CTIF: variants seen among roughly 807,000 people sequenced by gnomAD.
CTIF encodes cap binding complex dependent translation initiation factor, also known as CBP80/20-dependent translation initiation factor.
Under a neutral mutation model 66.0 loss-of-function variants are expected in CTIF, and 21 were observed. That is an observed-to-expected ratio of 0.32 (90% confidence interval 0.23 to 0.46). CTIF has a LOEUF of 0.46. Ranked by LOEUF, CTIF falls within the 20% of genes least tolerant of loss-of-function variation. The pLI, the probability that CTIF is intolerant of heterozygous loss-of-function variation, is 1.00. For missense variants in CTIF, 739 were observed against 812.7 expected (o/e 0.91, Z 1.10); for synonymous variants, 345 against 326.4 (o/e 1.06, Z -0.62).
chr18:48,727,985 GTCTC>G (rs1223259079), intron 7 of CTIF, among the ~76,000 whole-genome samples: 2 of 151,988 alleles, frequency 1.3e-5, no homozygotes, highest in Admixed American at 1.3e-4. Context: ...CTTTTAACTT[GTCTC>G]TCTCTTCTCA....
intron 11 of CTIF, 61 bp from the exon 12 acceptor site, chr18:48,859,282 AG>A: frequency 7.2e-7 from 1 of 1,398,298 alleles, no homozygotes. Flanking sequence ...CCACCTAATC[AG>A]GGTGGCCAGT....
At chr18:48,780,178 GA>G (rs896185970) in intron 9 of CTIF, among the ~76,000 whole-genome samples, 6 of 151,832 alleles carry the variant, frequency 4.0e-5, no homozygotes, top group East Asian at 3.9e-4. Flanking sequence ...AGGGAGAGAG[GA>G]AAAAAAACTA....
intron 1 of CTIF, among the ~76,000 whole-genome samples, chr18:48,585,767 A>G (rs2143878495): frequency 6.6e-6 from 1 of 152,264 alleles, no homozygotes. Context: ...AGGGGCATTG[A>G]CCACTGTTCC....
At chr18:48,842,938 G>A (rs1369939277) in intron 10 of CTIF, among the ~76,000 whole-genome samples, 3 of 152,164 alleles carry the variant, frequency 2.0e-5, no homozygotes, top group Non-Finnish European at 4.4e-5. Flanking sequence ...GCTGGAGCTG[G>A]GGGCAGGGAG....
intron 10 of CTIF, among the ~76,000 whole-genome samples, chr18:48,854,814 G>A (rs75004120): frequency 0.047 from 7,168 of 152,174 alleles, 547 homozygotes; most frequent in African/African-American, 0.16. Context: ...TCCCATCTAC[G>A]CAGGAGGCTG....
At chr18:48,539,918 C>A (rs1228331292) in intron 1 of CTIF, 1 of 152,144 alleles carries the variant, frequency 6.6e-6, no homozygotes, top group East Asian at 2.0e-4. Context: ...TGTGTCGCCA[C>A]GCCGCCCCTC....
chr18:48,827,615 A>T lies in CTIF; in HGVS notation c.1527+10239A>T, dbSNP rs555885914. Among the ~76,000 whole-genome samples, 14 of 152,336 alleles carry T rather than the reference A, an allele frequency of 9.2e-5. No individual in the cohort carries two copies. In the East Asian group the frequency reaches 2.1e-3, roughly 23 times the overall value. On this transcript the variant is annotated intron_variant, in intron 10 of 11. Transcript: ENST00000256413. ...GAGAACCTTTCTGCATGAACAGTTTATTCCAGCCCTAATCTTAGGCACAGA... is the reference window on the plus strand; with the variant it reads ...GAGAACCTTTCTGCATGAACAGTTTTTTCCAGCCCTAATCTTAGGCACAGA...
At chr18:48,801,823 G>A (rs756146180) in intron 9 of CTIF, among the ~76,000 whole-genome samples, 3 of 152,180 alleles carry the variant, frequency 2.0e-5, no homozygotes, top group African/African-American at 7.2e-5. Flanking sequence ...AACCTTCTTA[G>A]TAGAACCTGG....
chr18:48,543,162 G>A (rs568604566), intron 1 of CTIF, among the ~76,000 whole-genome samples: 1 of 152,336 alleles, frequency 6.6e-6, no homozygotes, highest in African/African-American at 2.4e-5. Context: ...CTTGTTTTAA[G>A]GTTATGTTGT....
At chr18:48,563,915 C>G (rs930599635) in intron 1 of CTIF, among the ~76,000 whole-genome samples, 1 of 152,136 alleles carries the variant, frequency 6.6e-6, no homozygotes, top group African/African-American at 2.4e-5. Flanking sequence ...CTGTTCCCCG[C>G]CCCAGCCATC....
chr18:48,817,292 G>A lies in CTIF; in HGVS notation c.1443G>A (p.Leu481=), dbSNP rs1599101012. The A allele has an allele frequency of 6.2e-7, 1 of 1,613,928 alleles. No individual in the cohort carries two copies. Among genetic ancestry groups the A allele is most frequent in the Admixed American group, 1.7e-5 (1 of 60,012 alleles). Residue 481 remains leucine (L), a synonymous_variant, in exon 10 of 12, where the codon CTG becomes CTA. Coordinates refer to ENST00000256413, the MANE Select transcript of CTIF (RefSeq NM_014772.3). ...VERWLGFITF[L]CEVFGTMRSS... is the part of the protein sequence containing the mutation. ...GCTGGCTGGGCTTCATCACCTTCCT[G>A]TGCGAGGTCTTCGGCACCATGCGCA...
chr18:48,748,228 G>C (rs1456447434), intron 7 of CTIF, among the ~76,000 whole-genome samples: 1 of 152,104 alleles, frequency 6.6e-6, no homozygotes, highest in African/African-American at 2.4e-5. Flanking sequence ...TGGGCTTTCT[G>C]CTCAACCTCT....
At chr18:48,586,066 G>C (rs2089760414) in intron 1 of CTIF, among the ~76,000 whole-genome samples, 1 of 152,124 alleles carries the variant, frequency 6.6e-6, no homozygotes, top group Non-Finnish European at 1.5e-5. Context: ...GGTGGCCTCT[G>C]CCCTCACTTT....
At chr18:48,584,033 C>G (rs751512575) in intron 1 of CTIF, among the ~76,000 whole-genome samples, 2 of 152,194 alleles carry the variant, frequency 1.3e-5, no homozygotes, top group South Asian at 4.1e-4. Flanking sequence ...AAATAGACAT[C>G]TCTTATCTTG....
At chr18:48,582,215 T>G (rs145652320) in intron 1 of CTIF, among the ~76,000 whole-genome samples, 1 of 151,314 alleles carries the variant, frequency 6.6e-6, no homozygotes, top group Non-Finnish European at 1.5e-5. Context: ...AGAGGAAGGG[T>G]CCTGGGCCGG....
At chr18:48,589,272 G>T (rs1453886562) in intron 1 of CTIF, among the ~76,000 whole-genome samples, 2 of 152,166 alleles carry the variant, frequency 1.3e-5, no homozygotes, top group Non-Finnish European at 2.9e-5. Flanking sequence ...GCCGTCAGGG[G>T]GAGTCTGTTC....
chr18:48,668,131 G>A (rs546267199), intron 5 of CTIF, among the ~76,000 whole-genome samples: 9 of 152,330 alleles, frequency 5.9e-5, no homozygotes, highest in East Asian at 3.9e-4. Context: ...GGCAGGCCTC[G>A]TGGGACAGCA....
chr18:48,801,747 T>C (rs2068054093), intron 9 of CTIF, among the ~76,000 whole-genome samples: 1 of 152,226 alleles, frequency 6.6e-6, no homozygotes, highest in Non-Finnish European at 1.5e-5. Flanking sequence ...AGTCATTTCT[T>C]CAGCTTCCAA....
intron 7 of CTIF, among the ~76,000 whole-genome samples, chr18:48,743,960 A>G (rs1202098388): frequency 6.6e-6 from 1 of 152,166 alleles, no homozygotes; most frequent in East Asian, 1.9e-4. Flanking sequence ...TTGAGGGGCT[A>G]AGTCTCCTGG....
Sources: allele counts gnomAD v4.1 joint callset (sites outside exome capture counted in the v4.1 genomes callset), GRCh38; gene constraint gnomAD v4.1.1; transcripts MANE v1.5; gene names NCBI Gene and HGNC (gene_info 2026-07-23, HGNC 2026-07-21).